DPYSL2: variants seen among roughly 807,000 people sequenced by gnomAD.
DPYSL2 encodes the protein dihydropyrimidinase-related protein 2.
DPYSL2 carries 13 observed loss-of-function variants against 69.9 expected under a neutral mutation model. That is an observed-to-expected ratio of 0.19 (90% CI 0.12 to 0.30). The LOEUF (loss-of-function observed/expected upper bound fraction) is 0.30, where lower values mean the gene tolerates loss of function less well. DPYSL2 is among the 10% of genes least tolerant of loss of function. The probability of loss-of-function intolerance (pLI) is 1.00; values close to 1 mark genes in which losing one functional copy is unlikely to be tolerated. For synonymous variants in DPYSL2, 326 were observed against 359.1 expected, an observed-to-expected ratio of 0.91 and a Z score of 1.04; for missense variants, 587 against 918.9, an observed-to-expected ratio of 0.64 and a Z score of 4.67.
intron 3 of DPYSL2, among the ~76,000 whole-genome samples, chr8:26,614,000 C>T (rs1015920464): frequency 1.3e-5 from 2 of 152,126 alleles, no homozygotes; most frequent in Non-Finnish European, 2.9e-5. Flanking sequence ...CATGGTGGCA[C>T]GTGCCTGTGG....
chr8:26,545,463 C>CA (rs1188468909), intron 1 of DPYSL2, among the ~76,000 whole-genome samples: 1 of 152,172 alleles, frequency 6.6e-6, no homozygotes, highest in Non-Finnish European at 1.5e-5. Context: ...TAGCGAGGCG[C>CA]AGTGGCTCAC....
Position 26,585,651 on chromosome 8 carries a change from C to T in DPYSL2, c.628+1668C>T, listed in dbSNP as rs1189501683. On this transcript the variant is annotated intron_variant, in intron 3 of 13. Coordinates refer to ENST00000521913, the MANE Select transcript of DPYSL2 (RefSeq NM_001197293.3). The surrounding 1 kb of genome is among the most constrained non-coding windows in gnomAD (Gnocchi z 4.0). ...GGCACCTGTGGGCGTTTCTGCCTCT[C>T]CTCCAGGGCGGACTGTGGAGAAACA... is the stretch of plus-strand genomic sequence containing the variant. 2.0e-5 allele frequency among the ~76,000 whole-genome samples: 3 copies of T among 152,144 alleles called. No individual in the cohort carries two copies. Among genetic ancestry groups the T allele is most frequent in the African/African-American group, 4.8e-5 (2 of 41,428 alleles).
rs944843394 is a variant in DPYSL2 at position 26,533,022 on chromosome 8, C to T, written c.354+18343C>T. Among the ~76,000 whole-genome samples the T allele has an allele frequency of 1.5e-4, 23 of 152,194 alleles. No individual in the cohort carries two copies. Among genetic ancestry groups the T allele is most frequent in the Non-Finnish European group, 3.1e-4 (21 of 68,010 alleles). On this transcript the variant is annotated intron_variant, in intron 1 of 13. Coordinates refer to ENST00000521913, the MANE Select transcript of DPYSL2 (RefSeq NM_001197293.3). This position sits in a 1 kb window ranked among gnomAD's most constrained non-coding sequence, Gnocchi z 4.8. ...TAGTGTATGAGGTTTCCAACTTCGCCGCATCCTTGTCTACACTTGTTATTG... is the reference window on the plus strand; with the variant it reads ...TAGTGTATGAGGTTTCCAACTTCGCTGCATCCTTGTCTACACTTGTTATTG...
intron 3 of DPYSL2, among the ~76,000 whole-genome samples, chr8:26,599,288 T>A (rs896530378): frequency 2.6e-5 from 4 of 152,164 alleles, no homozygotes; most frequent in African/African-American, 9.7e-5. Context: ...TTGACAGAAA[T>A]CCCCTATTTT....
At position 26,621,690 on chromosome 8, in the gene DPYSL2, C is replaced by T. The variant is rs937610041; in HGVS notation, c.629-2453C>T. 3.3e-5 allele frequency among the ~76,000 whole-genome samples: 5 copies of T among 152,012 alleles called. No homozygotes were observed. The highest frequency in any genetic ancestry group is 9.7e-5 in the African/African-American group (4 of 41,374). The stretch of plus-strand genomic sequence containing the variant: ...GATGAGGAGATGCCCAAGTCAAGAG[C>T]GAGGGGAATGGGTTTCCAGAGAGAG... On this transcript the variant is annotated intron_variant, in intron 3 of 13. Coordinates refer to ENST00000521913, the MANE Select transcript of DPYSL2 (RefSeq NM_001197293.3). The surrounding 1 kb of genome is among the most constrained non-coding windows in gnomAD (Gnocchi z 4.9).
chr8:26,655,419 C>T (rs1803363214), intron 13 of DPYSL2, among the ~76,000 whole-genome samples, 196 bp from the exon 14 acceptor site: 1 of 152,034 alleles, frequency 6.6e-6, no homozygotes, highest in African/African-American at 2.4e-5. Flanking sequence ...TGGCTTAAGC[C>T]CAGGAGATTG....
chr8:26,566,363 G>A (rs888747255), intron 1 of DPYSL2, among the ~76,000 whole-genome samples: 1 of 152,192 alleles, frequency 6.6e-6, no homozygotes, highest in African/African-American at 2.4e-5. Context: ...CAGGAGAAAG[G>A]AGGGAATTGG....
At chr8:26,543,254 CTT>C (rs949172068) in intron 1 of DPYSL2, among the ~76,000 whole-genome samples, 1 of 152,162 alleles carries the variant, frequency 6.6e-6, no homozygotes, top group Non-Finnish European at 1.5e-5. Flanking sequence ...TCAATTTACT[CTT>C]GCAGTTCAGC....
Position 26,565,492 on chromosome 8 carries a change from A to G in DPYSL2, c.355-16477A>G, listed in dbSNP as rs538039661. On this transcript the variant is annotated intron_variant, in intron 1 of 13. Coordinates refer to ENST00000521913, the MANE Select transcript of DPYSL2 (RefSeq NM_001197293.3). The surrounding 1 kb of genome is among the most constrained non-coding windows in gnomAD (Gnocchi z 4.1). ...CTCATCACATCTTGATGATGTGGTT[A>G]GGGGATGAGGGCTCAGATAGCCCTT... Among the ~76,000 whole-genome samples, 405 of 152,274 alleles carry G rather than the reference A, an allele frequency of 2.7e-3. No homozygotes were observed. The highest frequency in any genetic ancestry group is 9.4e-3 in the African/African-American group (389 of 41,544).
chr8:26,576,221 G>A (rs1258064584), intron 1 of DPYSL2, among the ~76,000 whole-genome samples: 1 of 152,184 alleles, frequency 6.6e-6, no homozygotes, highest in African/African-American at 2.4e-5. Context: ...CCTTCTCTGA[G>A]TCTGGAAGGA....
intron 10 of DPYSL2, among the ~76,000 whole-genome samples, chr8:26,646,539 G>T (rs1309756709): frequency 6.6e-6 from 1 of 152,090 alleles, no homozygotes; most frequent in Admixed American, 6.5e-5. Context: ...ATGCTTAGTG[G>T]CCATTTGTAC....
intron 1 of DPYSL2, among the ~76,000 whole-genome samples, chr8:26,520,204 C>T (rs2117598586): frequency 6.6e-6 from 1 of 152,294 alleles, no homozygotes; most frequent in Non-Finnish European, 1.5e-5. Context: ...GTGAGGCCTC[C>T]CCAGCCATGT....
At chr8:26,532,561 T>C (rs1800528362) in intron 1 of DPYSL2, among the ~76,000 whole-genome samples, 1 of 152,158 alleles carries the variant, frequency 6.6e-6, no homozygotes, top group African/African-American at 2.4e-5. Flanking sequence ...CAACCATTGA[T>C]CTGCTTTCTA....
At chr8:26,568,324 C>T (rs1222021411) in intron 1 of DPYSL2, among the ~76,000 whole-genome samples, 1 of 152,142 alleles carries the variant, frequency 6.6e-6, no homozygotes, top group Non-Finnish European at 1.5e-5. Context: ...GTGCCATTCA[C>T]CTGTGACCTC....
rs1801088918 is a variant in DPYSL2, at chr8:26,562,498, C to A, written c.355-19471C>A. ...GTTTGACCCTTGCACCACCACACTA[C>A]AGCTGGAATAATATATAAAAAGTAT... On this transcript the variant is annotated intron_variant, in intron 1 of 13. Coordinates refer to ENST00000521913, the MANE Select transcript of DPYSL2 (RefSeq NM_001197293.3). This position sits in a 1 kb window ranked among gnomAD's most constrained non-coding sequence, Gnocchi z 4.9. Among the ~76,000 whole-genome samples, 1 of 152,140 alleles carries A rather than the reference C, an allele frequency of 6.6e-6. No homozygotes were observed. The highest frequency in any genetic ancestry group is 1.5e-5 in the Non-Finnish European group (1 of 68,034).
rs534167504 is a variant in DPYSL2, at chr8:26,561,569, C to T, written c.355-20400C>T. 3.6e-4 allele frequency among the ~76,000 whole-genome samples: 54 copies of T among 151,890 alleles called. 1 individual carries two copies. The highest frequency in any genetic ancestry group is 5.9e-5 in the Non-Finnish European group (4 of 67,986). ...CCCATAATCCCACACCCCCACTTCA[C>T]CCCGCTACTCACTTGGTCTTTCTTA... On this transcript the variant is annotated intron_variant, in intron 1 of 13. Transcript: ENST00000521913.
At chr8:26,578,246 AG>A (rs1252385386) in intron 1 of DPYSL2, 1 of 1,614,042 alleles carries the variant, frequency 6.2e-7, no homozygotes, top group Admixed American at 1.7e-5. Context: ...ATTTTTTCCC[AG>A]GAGAGAGATG....
At chr8:26,523,266 A>C (rs1274679748) in intron 1 of DPYSL2, among the ~76,000 whole-genome samples, 1 of 152,120 alleles carries the variant, frequency 6.6e-6, no homozygotes, top group Non-Finnish European at 1.5e-5. Context: ...CTGAGTTTTA[A>C]ACTAATAAAT....
intron 1 of DPYSL2, among the ~76,000 whole-genome samples, chr8:26,540,742 C>T (rs1800666012): frequency 6.6e-6 from 1 of 151,956 alleles, no homozygotes. Context: ...CCTTTCTCTA[C>T]TAAAAATACA....
Sources: allele counts gnomAD v4.1 joint callset (sites outside exome capture counted in the v4.1 genomes callset), GRCh38; gene constraint gnomAD v4.1.1; non-coding constraint Gnocchi (gnomAD v3.1); transcripts MANE v1.5; gene names NCBI Gene and HGNC (gene_info 2026-07-23, HGNC 2026-07-21).